The following APBA1 variants were observed in gnomAD, a reference collection of about 807,000 sequenced individuals.
APBA1 encodes the protein amyloid-beta A4 precursor protein-binding family A member 1.
Under a neutral mutation model 86.6 loss-of-function variants are expected in APBA1, and 55 were observed. The ratio of observed to expected loss-of-function variants is 0.64; its 90% confidence interval spans 0.51 to 0.80. APBA1 has a LOEUF of 0.80. APBA1 is among the 30% of genes least tolerant of loss of function. The pLI, the probability that APBA1 is intolerant of heterozygous loss-of-function variation, is 0.00. For synonymous variants in APBA1, 511 were observed against 493.9 expected (o/e 1.03, Z -0.46); for missense variants, 1,090 against 1,183.0 (o/e 0.92, Z 1.15).
chr9:69,653,014 C>CAAA (rs35226509), intron 1 of APBA1, among the ~76,000 whole-genome samples: 4 of 145,710 alleles, frequency 2.7e-5, no homozygotes, highest in African/African-American at 7.8e-5. Flanking sequence ...CAAAAACAAG[C>CAAA]AAAAAAAAAA....
intron 1 of APBA1, among the ~76,000 whole-genome samples, chr9:69,658,343 T>TG (rs1823679807): frequency 6.8e-6 from 1 of 146,826 alleles, no homozygotes; most frequent in Non-Finnish European, 1.5e-5. Context: ...TCTTTCTTTC[T>TG]TTCTTTCTTT....
Position 69,449,632 on chromosome 9 carries a change from G to A in APBA1, c.2133C>T (p.Gly711=), listed in dbSNP as rs1834967641. Residue 711 remains glycine, a synonymous_variant, in exon 10 of 13, where the codon GGC becomes GGT. Coordinates refer to ENST00000265381, the MANE Select transcript of APBA1 (RefSeq NM_001163.4). The stretch of plus-strand genomic sequence containing the variant: ...ACAGAGGCAGGCCCACCAGGCTGGT[G>A]CCATTAATGGACATGATCTGGTCAC... ...NIGDQIMSIN[G]TSLVGLPLST... is the part of the protein sequence containing the mutation. The A allele has an allele frequency of 6.8e-6, 11 of 1,613,876 alleles. No homozygotes were observed. Among genetic ancestry groups the A allele is most frequent in the Non-Finnish European group, 7.6e-6 (9 of 1,180,034 alleles).
intron 9 of APBA1, among the ~76,000 whole-genome samples, chr9:69,450,338 C>T (rs113867598): frequency 0.014 from 2,156 of 152,206 alleles, 21 homozygotes; most frequent in Non-Finnish European, 0.02. Context: ...TGGGTGTGCA[C>T]ACAGGAAGTG....
chr9:69,517,507 C>T (rs1836187359), intron 1 of APBA1, among the ~76,000 whole-genome samples: 1 of 150,406 alleles, frequency 6.6e-6, no homozygotes, highest in Non-Finnish European at 1.5e-5. Flanking sequence ...CCGTTCCCAC[C>T]CCTCACACTG....
chr9:69,543,130 C>G (rs904436665), intron 1 of APBA1, among the ~76,000 whole-genome samples: 4 of 152,230 alleles, frequency 2.6e-5, no homozygotes, highest in African/African-American at 9.6e-5. Flanking sequence ...TTTCTAAGAA[C>G]AGCACTCAAT....
chr9:69,505,919 T>G (rs541729067), intron 2 of APBA1, among the ~76,000 whole-genome samples: 2 of 151,524 alleles, frequency 1.3e-5, no homozygotes, highest in South Asian at 2.1e-4. Context: ...CTTGGGAGGC[T>G]GAGACAGGAG....
chr9:69,503,031 T>C (rs1835902322), intron 2 of APBA1, among the ~76,000 whole-genome samples: 1 of 152,164 alleles, frequency 6.6e-6, no homozygotes, highest in Non-Finnish European at 1.5e-5. Flanking sequence ...CAAGTGTGTG[T>C]GCTTAACACA....
At position 69,631,341 on chromosome 9, in the gene APBA1, C is replaced by G. The variant is rs552983157; in HGVS notation, c.-70+40812G>C. On this transcript the variant is annotated intron_variant, in intron 1 of 12. Coordinates refer to ENST00000265381, the MANE Select transcript of APBA1 (RefSeq NM_001163.4). ...CACTGGCCATCAGAGAAATGCAAAT[C>G]AAAACCACAATGAGATACCATCTCA... is the stretch of plus-strand genomic sequence containing the variant. Among the ~76,000 whole-genome samples the G allele has an allele frequency of 2.5e-3, 379 of 152,278 alleles. 1 individual carries two copies. The highest frequency in any genetic ancestry group is 8.5e-3 in the African/African-American group (355 of 41,552).
At chr9:69,584,538 T>C (rs1285623254) in intron 1 of APBA1, among the ~76,000 whole-genome samples, 2 of 152,206 alleles carry the variant, frequency 1.3e-5, no homozygotes, top group African/African-American at 4.8e-5. Flanking sequence ...AACCTCTCTG[T>C]GCTCCAACTT....
chr9:69,636,987 A>AAAGAAAGAAAGAAAGAAAG (rs1564099121), intron 1 of APBA1, among the ~76,000 whole-genome samples: 1 of 96,340 alleles, frequency 1.0e-5, no homozygotes, highest in South Asian at 3.5e-4. Flanking sequence ...AAGAAAGAAA[A>AAAGAAAGAAAGAAAGAAAG]ATGTGATACA....
intron 1 of APBA1, among the ~76,000 whole-genome samples, chr9:69,664,983 G>C (rs1166751554): frequency 6.6e-6 from 1 of 152,184 alleles, no homozygotes; most frequent in Non-Finnish European, 1.5e-5. Flanking sequence ...GTCCACTTCT[G>C]AGTTCAGCTA....
rs1266481429 is a variant in APBA1, at chr9:69,431,141, G to GGA, written c.*185_*186insTC. The GGA allele has an allele frequency of 7.0e-3, 1,984 of 285,130 alleles. 42 individuals carry two copies. The highest frequency in any genetic ancestry group is 0.062 in the African/African-American group (1,848 of 30,038). The allele number at this position is 285,130 out of a possible 1,614,324, so 17.7% of individuals were successfully genotyped here. The stretch of plus-strand genomic sequence containing the variant: ...GTGCATACGAAACTTCCCTGGTATT[G>GGA]AAAAAAAAAAAAAAAAAAAAGCAAA... On this transcript the variant is annotated 3_prime_UTR_variant, in exon 13 of 13. Transcript: ENST00000265381.
chr9:69,518,403 A>T (rs1836201340), intron 1 of APBA1, among the ~76,000 whole-genome samples: 1 of 152,206 alleles, frequency 6.6e-6, no homozygotes. Context: ...CTAAGATTTT[A>T]TGAGTTGCCA....
intron 1 of APBA1, among the ~76,000 whole-genome samples, chr9:69,630,282 G>T (rs532890278): frequency 1.3e-5 from 2 of 152,176 alleles, no homozygotes; most frequent in Non-Finnish European, 2.9e-5. Flanking sequence ...CAGGGGACGG[G>T]GCCAGCAACA....
At chr9:69,441,560 A>G (rs1275615155) in intron 10 of APBA1, among the ~76,000 whole-genome samples, 1 of 152,284 alleles carries the variant, frequency 6.6e-6, no homozygotes, top group Admixed American at 6.5e-5. Flanking sequence ...CTCTTCTAAC[A>G]AAGGACATCT....
At chr9:69,568,961 A>G (rs1837073332) in intron 1 of APBA1, among the ~76,000 whole-genome samples, 1 of 152,232 alleles carries the variant, frequency 6.6e-6, no homozygotes. Flanking sequence ...ACTTTCCACA[A>G]GAGCTGAGTC....
At chr9:69,515,698 G>GGC (rs1210321757) in intron 2 of APBA1, among the ~76,000 whole-genome samples, 6 of 121,366 alleles carry the variant, frequency 4.9e-5, no homozygotes, top group Non-Finnish European at 1.1e-4. Context: ...ACTGGGGGGG[G>GGC]GGGGGGCGGG....
At chr9:69,435,938 T>A (rs1834708465) in intron 11 of APBA1, among the ~76,000 whole-genome samples, 1 of 152,200 alleles carries the variant, frequency 6.6e-6, no homozygotes, top group African/African-American at 2.4e-5. Flanking sequence ...CTTTAATCCA[T>A]CTTGAATTAA....
chr9:69,539,103 G>A (rs979024484), intron 1 of APBA1, among the ~76,000 whole-genome samples: 1 of 152,116 alleles, frequency 6.6e-6, no homozygotes, highest in Admixed American at 6.5e-5. Context: ...AACACTGGAG[G>A]ACCCAGGCTC....
Sources: gnomAD v4.1 joint callset for allele counts (sites outside exome capture counted in the v4.1 genomes callset) on GRCh38, gnomAD v4.1.1 for gene constraint, MANE v1.5 for transcripts, NCBI Gene and HGNC (gene_info 2026-07-23, HGNC 2026-07-21) for gene names.